The following CMSS1 variants were observed in gnomAD, a reference collection of about 807,000 sequenced individuals.
The protein encoded by CMSS1 is protein CMSS1.
CMSS1 carries 33 observed loss-of-function variants against 43.5 expected under a neutral mutation model. The observed-to-expected ratio is 0.76, with a 90% CI of 0.57 to 1.01. The LOEUF is 1.01. CMSS1 is among the 50% of genes least tolerant of loss of function. The pLI is 0.00. For synonymous variants in CMSS1, 115 were observed against 117.2 expected, an observed-to-expected ratio of 0.98 and a Z score of 0.12; for missense variants, 313 against 326.4, an observed-to-expected ratio of 0.96 and a Z score of 0.32.
chr3:100,012,779 T>TTTGGGGGG (rs1710197030), intron 1 of CMSS1, among the ~76,000 whole-genome samples: 1 of 134,766 alleles, frequency 7.4e-6, no homozygotes, highest in Non-Finnish European at 1.6e-5. Context: ...TTTTTTTTTT[T>TTTGGGGGG]GGGTTGGGGG....
At chr3:99,961,794 AT>A (rs1708498856) in intron 1 of CMSS1, among the ~76,000 whole-genome samples, 1 of 152,098 alleles carries the variant, frequency 6.6e-6, no homozygotes, top group African/African-American at 2.4e-5. Flanking sequence ...CCCTTTCTAG[AT>A]GTCAAACATC....
intron 1 of CMSS1, among the ~76,000 whole-genome samples, chr3:99,895,594 T>G (rs561950999): frequency 6.6e-6 from 1 of 152,308 alleles, no homozygotes; most frequent in South Asian, 2.1e-4. Context: ...GGTAATTTTT[T>G]TTAACCTATA....
At chr3:99,896,612 A>T (rs1372498259) in intron 1 of CMSS1, among the ~76,000 whole-genome samples, 3 of 152,172 alleles carry the variant, frequency 2.0e-5, no homozygotes, top group Admixed American at 6.5e-5. Context: ...AACTATTTTG[A>T]TGGGCTAAGA....
intron 1 of CMSS1, among the ~76,000 whole-genome samples, chr3:100,106,030 G>C (rs2066389388): frequency 6.6e-6 from 1 of 152,134 alleles, no homozygotes; most frequent in Non-Finnish European, 1.5e-5. Flanking sequence ...AAGACAGACA[G>C]ATTATACCTC....
intron 1 of CMSS1, among the ~76,000 whole-genome samples, chr3:99,878,449 A>G (rs1705611345): frequency 6.6e-6 from 1 of 152,266 alleles, no homozygotes. Flanking sequence ...TTACATATAT[A>G]GCCTTCTACA....
intron 1 of CMSS1, chr3:99,924,393 C>G: frequency 6.2e-7 from 1 of 1,614,002 alleles, no homozygotes; most frequent in Non-Finnish European, 8.5e-7. Context: ...TTATGTTTTT[C>G]CACAACTTTG....
intron 1 of CMSS1, chr3:99,930,781 C>T (rs1206436447): frequency 3.7e-6 from 6 of 1,613,178 alleles, no homozygotes; most frequent in Non-Finnish European, 4.2e-6. Flanking sequence ...GCAGTTCTCC[C>T]TCCAGAATGC....
intron 1 of CMSS1, among the ~76,000 whole-genome samples, chr3:100,099,928 A>G (rs1393643252): frequency 6.6e-6 from 1 of 152,160 alleles, no homozygotes; most frequent in Non-Finnish European, 1.5e-5. Context: ...TTCTGAAGCC[A>G]CAGTGTTATA....
intron 1 of CMSS1, among the ~76,000 whole-genome samples, chr3:99,909,739 C>G (rs775060026): frequency 7.2e-5 from 11 of 152,158 alleles, no homozygotes; most frequent in Non-Finnish European, 1.2e-4. Flanking sequence ...AAGTTGCTAT[C>G]AGTTATAGTT....
chr3:100,034,831 TC>T (rs1359480844), intron 1 of CMSS1, among the ~76,000 whole-genome samples: 1 of 152,194 alleles, frequency 6.6e-6, no homozygotes, highest in African/African-American at 2.4e-5. Flanking sequence ...TCCACTCTGA[TC>T]AGTAAACGGT....
chr3:100,070,135 A>G (rs1393988916), intron 1 of CMSS1, among the ~76,000 whole-genome samples: 2 of 152,202 alleles, frequency 1.3e-5, no homozygotes, highest in South Asian at 4.1e-4. Flanking sequence ...AACAGCTAAC[A>G]TGAAGTGCTC....
chr3:99,979,157 C>A (rs1303469356), intron 1 of CMSS1, among the ~76,000 whole-genome samples: 1 of 152,210 alleles, frequency 6.6e-6, no homozygotes, highest in East Asian at 1.9e-4. Context: ...TTGATCATTA[C>A]ACACTGTATA....
chr3:100,177,054 G>GCTTCAC (rs1391353378), intron 9 of CMSS1, among the ~76,000 whole-genome samples: 1 of 152,114 alleles, frequency 6.6e-6, no homozygotes, highest in Non-Finnish European at 1.5e-5. Context: ...CTAGCCTGAT[G>GCTTCAC]CTTCACAGTA....
intron 1 of CMSS1, among the ~76,000 whole-genome samples, chr3:100,054,539 T>TATGTTATGTTATGTC (rs1474837701): frequency 2.3e-4 from 29 of 125,782 alleles, no homozygotes; most frequent in South Asian, 1.3e-3. Flanking sequence ...TATGTTATGT[T>TATGTTATGTTATGTC]ATGTCATGTT....
intron 1 of CMSS1, among the ~76,000 whole-genome samples, chr3:100,131,412 C>T (rs546147217): frequency 6.6e-6 from 1 of 152,312 alleles, no homozygotes; most frequent in South Asian, 2.1e-4. Flanking sequence ...CTCATTTCAA[C>T]AACTTCACTT....
At chr3:100,115,569 C>CTCTCTG (rs1440981303) in intron 1 of CMSS1, among the ~76,000 whole-genome samples, 3 of 123,960 alleles carry the variant, frequency 2.4e-5, no homozygotes, top group Admixed American at 2.3e-4. Context: ...CTCTCTCTCT[C>CTCTCTG]TCTCTGTCTC....
At chr3:100,013,324 T>TC (rs927483366) in intron 1 of CMSS1, among the ~76,000 whole-genome samples, 2 of 151,806 alleles carry the variant, frequency 1.3e-5, no homozygotes, top group Non-Finnish European at 2.9e-5. Context: ...GCTCACTGAA[T>TC]CCTCCACTTC....
rs371919377 is a variant in CMSS1, at chr3:99,818,909, A to G, written c.64+866A>G. Among the ~76,000 whole-genome samples the G allele has an allele frequency of 6.8e-4, 104 of 152,350 alleles. 2 individuals are homozygous for G. In the South Asian group the frequency reaches 0.021, roughly 30 times the overall value. ...GCTAGCCTTGAACTTTTTAAGTTCC[A>G]TCACACCTACCATGCAATTATTGGT... On this transcript the variant is annotated intron_variant, in intron 1 of 9. Transcript: ENST00000421999.
chr3:99,961,836 A>G (rs978946364), intron 1 of CMSS1, among the ~76,000 whole-genome samples: 1 of 152,046 alleles, frequency 6.6e-6, no homozygotes, highest in Admixed American at 6.6e-5. Flanking sequence ...TTCTTATGTC[A>G]TAGTTCGTTT....
Sources: gnomAD v4.1 joint callset for allele counts (sites outside exome capture counted in the v4.1 genomes callset) on GRCh38, gnomAD v4.1.1 for gene constraint, MANE v1.5 for transcripts, NCBI Gene and HGNC (gene_info 2026-07-23, HGNC 2026-07-21) for gene names.